PTN: variants seen among roughly 807,000 people sequenced by gnomAD.
PTN encodes the protein heparin affin regulatory protein.
Under a neutral mutation model 24.1 loss-of-function variants are expected in PTN, and 18 were observed. The ratio of observed to expected loss-of-function variants is 0.75; its 90% CI spans 0.52 to 1.11. PTN has a LOEUF of 1.11. PTN is among the 50% of genes least tolerant of loss of function. PTN has a pLI of 0.00. For missense variants in PTN, 163 were observed against 198.8 expected (o/e 0.82, Z 1.08); for synonymous variants, 78 against 68.6 (o/e 1.14, Z -0.67).
chr7:137,252,172 T>G (rs1808838878), intron 3 of PTN, among the ~76,000 whole-genome samples: 1 of 151,946 alleles, frequency 6.6e-6, no homozygotes, highest in South Asian at 2.1e-4. Flanking sequence ...GGATCTGGTT[T>G]CTTGGCACCC....
chr7:137,247,901 G>C (rs1808751774), intron 4 of PTN, among the ~76,000 whole-genome samples: 1 of 152,154 alleles, frequency 6.6e-6, no homozygotes, highest in South Asian at 2.1e-4. Flanking sequence ...TGAGAAATCA[G>C]CAGAATACAA....
At chr7:137,279,626 T>C (rs907097300) in intron 1 of PTN, among the ~76,000 whole-genome samples, 1 of 152,118 alleles carries the variant, frequency 6.6e-6, no homozygotes, top group Non-Finnish European at 1.5e-5. Context: ...ATGAGAAAAA[T>C]TGGAAATAAA....
chr7:137,285,238 C>T (rs1482063824), intron 1 of PTN, among the ~76,000 whole-genome samples: 1 of 152,212 alleles, frequency 6.6e-6, no homozygotes, highest in South Asian at 2.1e-4. Context: ...GCAACTCATG[C>T]ATAGATAATA....
chr7:137,312,536 T>C (rs322339), intron 1 of PTN, among the ~76,000 whole-genome samples: 52,819 of 152,182 alleles, frequency 0.35, 10,920 homozygotes, highest in Admixed American at 0.54. Context: ...AGCTTTCCAA[T>C]TCAGCTTAAA....
chr7:137,258,231 G>A (rs1218126446), intron 1 of PTN, among the ~76,000 whole-genome samples: 2 of 152,132 alleles, frequency 1.3e-5, no homozygotes, highest in Non-Finnish European at 2.9e-5. Flanking sequence ...AATATGAGCT[G>A]ACTGGAAAGA....
intron 4 of PTN, among the ~76,000 whole-genome samples, chr7:137,245,314 A>G (rs1205814154): frequency 1.3e-5 from 2 of 152,214 alleles, no homozygotes; most frequent in Non-Finnish European, 2.9e-5. Flanking sequence ...CGCACCACAT[A>G]GCAATGTTTC....
chr7:137,239,374 TTTTATTTATTTATTTA>T (rs60204827), intron 4 of PTN, among the ~76,000 whole-genome samples: 15,780 of 147,774 alleles, frequency 0.11, 1,110 homozygotes, highest in East Asian at 0.25. Flanking sequence ...TAATTTTCTT[TTTTATTTATTTATTTA>T]TTTATTTATT....
chr7:137,291,773 T>G (rs1809642014), intron 1 of PTN, among the ~76,000 whole-genome samples: 1 of 152,158 alleles, frequency 6.6e-6, no homozygotes, highest in Non-Finnish European at 1.5e-5. Context: ...TACTTTACTT[T>G]CTCCTTCATA....
At chr7:137,276,130 A>C (rs1281647431) in intron 1 of PTN, among the ~76,000 whole-genome samples, 1 of 152,206 alleles carries the variant, frequency 6.6e-6, no homozygotes, top group African/African-American at 2.4e-5. Context: ...TCAAGCCCCA[A>C]CTCAAAGAAA....
chr7:137,306,346 C>T (rs2128879240), intron 1 of PTN, among the ~76,000 whole-genome samples: 1 of 152,032 alleles, frequency 6.6e-6, no homozygotes, highest in Non-Finnish European at 1.5e-5. Flanking sequence ...CCTGGTAAAT[C>T]GGGTTACAAA....
chr7:137,232,999 T>C (rs1483589728), intron 4 of PTN, among the ~76,000 whole-genome samples: 2 of 151,976 alleles, frequency 1.3e-5, no homozygotes, highest in African/African-American at 4.8e-5. Flanking sequence ...CTTTATAGAT[T>C]ACCCAGTTCT....
chr7:137,271,389 C>A (rs1484682277), intron 1 of PTN, among the ~76,000 whole-genome samples: 9 of 152,098 alleles, frequency 5.9e-5, no homozygotes, highest in African/African-American at 2.2e-4. Context: ...ACCTCTGTTC[C>A]CTATTAATCT....
chr7:137,272,024 A>G lies in PTN; in HGVS notation c.-1-17050T>C, dbSNP rs182514911. 1.2e-3 allele frequency among the ~76,000 whole-genome samples: 185 copies of G among 152,296 alleles called. 1 individual carries two copies. Among genetic ancestry groups the G allele is most frequent in the Middle Eastern group, 3.4e-3 (1 of 294 alleles). ...TTGCCCCTTCATCTTTAATTATACA[A>G]AGTCAATAAATGGACACAGTGGATA... On this transcript the variant is annotated intron_variant, in intron 1 of 4. Coordinates refer to ENST00000348225, the MANE Select transcript of PTN (RefSeq NM_002825.7).
At chr7:137,332,525 A>G (rs1008471520) in intron 1 of PTN, among the ~76,000 whole-genome samples, 5 of 152,246 alleles carry the variant, frequency 3.3e-5, no homozygotes, top group Admixed American at 2.6e-4. Flanking sequence ...TATTGTAAAT[A>G]AGAAAAAATA....
Position 137,328,445 on chromosome 7 carries a change from C to T in PTN, c.-2+14994G>A, listed in dbSNP as rs192346086. On this transcript the variant is annotated intron_variant, in intron 1 of 4. Coordinates refer to ENST00000348225, the MANE Select transcript of PTN (RefSeq NM_002825.7). ...TCATCTGTGTCCCACTGTTGGATGTCCAAGCTTGACAGTGAATGCTTTCCA... is the reference window on the plus strand; with the variant it reads ...TCATCTGTGTCCCACTGTTGGATGTTCAAGCTTGACAGTGAATGCTTTCCA... 3.4e-3 allele frequency among the ~76,000 whole-genome samples: 524 copies of T among 152,308 alleles called. 1 individual carries two copies. The highest frequency in any genetic ancestry group is 5.3e-3 in the Non-Finnish European group (360 of 68,020).
At chr7:137,240,666 A>G (rs1808612946) in intron 4 of PTN, among the ~76,000 whole-genome samples, 1 of 152,222 alleles carries the variant, frequency 6.6e-6, no homozygotes, top group Admixed American at 6.5e-5. Context: ...TGGCTGGGGC[A>G]AAGTTTGTAA....
intron 1 of PTN, among the ~76,000 whole-genome samples, chr7:137,309,940 G>C (rs2128879675): frequency 6.6e-6 from 1 of 152,284 alleles, no homozygotes; most frequent in Non-Finnish European, 1.5e-5. Flanking sequence ...CATCTAGAAT[G>C]ATGAATCCTT....
chr7:137,317,556 C>T (rs540613206), intron 1 of PTN, among the ~76,000 whole-genome samples: 56 of 152,162 alleles, frequency 3.7e-4, no homozygotes, highest in Non-Finnish European at 5.1e-4. Context: ...TGGAACTTTA[C>T]TGAGTTCCTT....
chr7:137,254,483 T>C (rs1299586378), intron 2 of PTN, among the ~76,000 whole-genome samples: 1 of 151,968 alleles, frequency 6.6e-6, no homozygotes, highest in Non-Finnish European at 1.5e-5. Flanking sequence ...TTATCTTCTC[T>C]GTGCTTGTTT....
Sources: gnomAD v4.1 joint callset for allele counts (sites outside exome capture counted in the v4.1 genomes callset) on GRCh38, gnomAD v4.1.1 for gene constraint, MANE v1.5 for transcripts, NCBI Gene and HGNC (gene_info 2026-07-23, HGNC 2026-07-21) for gene names.